The following TUSC3 variants were observed in gnomAD, a reference collection of about 807,000 sequenced individuals.
TUSC3 encodes dolichyl-diphosphooligosaccharide--protein glycosyltransferase subunit TUSC3.
In TUSC3, 45 loss-of-function variants were observed where a neutral mutation model predicts 44.8. The observed-to-expected ratio is 1.00, with a 90% confidence interval of 0.79 to 1.29. The LOEUF (loss-of-function observed/expected upper bound fraction) is 1.29. Among genes scored for constraint, TUSC3 ranks in the 50% most tolerant of loss-of-function variants. The pLI is 0.00. For missense variants in TUSC3, 519 were observed against 437.9 expected (o/e 1.19, Z -1.65); for synonymous variants, 212 against 152.9 (o/e 1.39, Z -2.85).
At chr8:15,846,580 C>G in the TUSC3 span, among the ~76,000 whole-genome samples, 1 of 152,028 alleles carries the variant, frequency 6.6e-6, no homozygotes, top group Non-Finnish European at 1.5e-5. Flanking sequence ...AGCTGGAAAC[C>G]ATCATTTTCA....
chr8:15,843,604 A>AG, the TUSC3 span, among the ~76,000 whole-genome samples: 811 of 146,628 alleles, frequency 5.5e-3, 21 homozygotes, highest in African/African-American at 0.019. Flanking sequence ...ATATATATAT[A>AG]TATATATATA....
intron 1 of TUSC3, among the ~76,000 whole-genome samples, chr8:15,573,196 CTCTCTCTATATA>C (rs1479474441): frequency 1.3e-3 from 137 of 104,230 alleles, no homozygotes; most frequent in Non-Finnish European, 1.9e-3. Context: ...CTCTCTCTCT[CTCTCTCTATATA>C]TATATATATA....
At chr8:15,442,936 A>C (rs994733069) in intron 1 of TUSC3, among the ~76,000 whole-genome samples, 2 of 151,974 alleles carry the variant, frequency 1.3e-5, no homozygotes, top group South Asian at 2.1e-4. Flanking sequence ...CTAACTCCTC[A>C]ATCTGCCTTT....
chr8:15,805,190 A>C, the TUSC3 span, among the ~76,000 whole-genome samples: 1 of 152,092 alleles, frequency 6.6e-6, no homozygotes, highest in East Asian at 1.9e-4. Context: ...TTGTATCTGA[A>C]ACTTTACTGA....
the TUSC3 span, among the ~76,000 whole-genome samples, chr8:15,851,924 C>A: frequency 6.6e-6 from 1 of 152,098 alleles, no homozygotes; most frequent in Admixed American, 6.6e-5. Context: ...GTGGGTAAGT[C>A]TCCTGAGACC....
intron 1 of TUSC3, among the ~76,000 whole-genome samples, chr8:15,571,915 A>T (rs1026996791): frequency 6.6e-6 from 1 of 152,076 alleles, no homozygotes; most frequent in Non-Finnish European, 1.5e-5. Context: ...ATATTCAGTA[A>T]ACTGTGCTTT....
intron 1 of TUSC3, among the ~76,000 whole-genome samples, chr8:15,472,829 C>G (rs998126399): frequency 1.3e-5 from 2 of 152,180 alleles, no homozygotes; most frequent in Non-Finnish European, 2.9e-5. Flanking sequence ...ATGGCAAATG[C>G]TTTGTGGACA....
chr8:15,730,458 TAG>T (rs2129208073), intron 6 of TUSC3, among the ~76,000 whole-genome samples: 1 of 152,288 alleles, frequency 6.6e-6, no homozygotes, highest in South Asian at 2.1e-4. Context: ...AGTTGCCACC[TAG>T]AGTTTACAAT....
rs370828450 is a variant in TUSC3, at chr8:15,550,864, G to T, written c.138+10296G>T. ...TTTTTGTATTTTTAGTAGAGACGGG[G>T]TTTCATCATGTTCGCCATGCTGGCC... is the stretch of plus-strand genomic sequence containing the variant. On this transcript the variant is annotated intron_variant, in intron 1 of 10. Coordinates refer to ENST00000503731, the MANE Select transcript of TUSC3 (RefSeq NM_006765.4). Among the ~76,000 whole-genome samples, 143 of 151,662 alleles carry T rather than the reference G, an allele frequency of 9.4e-4. 1 individual carries two copies. The highest frequency in any genetic ancestry group is 2.4e-3 in the African/African-American group (99 of 41,470).
chr8:15,697,194 TG>T (rs1809206604), intron 6 of TUSC3, among the ~76,000 whole-genome samples: 1 of 152,228 alleles, frequency 6.6e-6, no homozygotes, highest in South Asian at 2.1e-4. Flanking sequence ...ATCTTGCTAA[TG>T]GTCTATCAGT....
At chr8:15,588,396 A>C (rs992767042) in intron 1 of TUSC3, among the ~76,000 whole-genome samples, 1 of 151,826 alleles carries the variant, frequency 6.6e-6, no homozygotes, top group Non-Finnish European at 1.5e-5. Context: ...TGCTCATTTT[A>C]GTACTAGATT....
chr8:15,553,041 A>G (rs1172289256), intron 1 of TUSC3, among the ~76,000 whole-genome samples: 3 of 151,712 alleles, frequency 2.0e-5, no homozygotes, highest in Non-Finnish European at 4.4e-5. Flanking sequence ...TGATGACTAC[A>G]TTTCTTGATA....
In TUSC3 at chr8:15,518,699, G is replaced by T. The variant is rs567845858; in HGVS notation, n.189+35216G>T. Among the ~76,000 whole-genome samples the T allele has an allele frequency of 3.3e-5, 5 of 152,184 alleles. No homozygotes were observed. The South Asian group carries it at 1.0e-3, about 32-fold the overall frequency. On this transcript the variant is annotated intron_variant and non_coding_transcript_variant, in intron 2 of 5. Coordinates refer to the TUSC3 transcript ENST00000503191. ...TCTGAACTTTGATGAAAAATATAGG[G>T]TTAAAGCAGCTTACTGTCATTAATG... is the stretch of plus-strand genomic sequence containing the variant.
At chr8:15,575,567 G>C (rs1803067470) in intron 1 of TUSC3, among the ~76,000 whole-genome samples, 1 of 152,108 alleles carries the variant, frequency 6.6e-6, no homozygotes, top group African/African-American at 2.4e-5. Flanking sequence ...AGGAGTTTGA[G>C]ATCAGCCTGG....
chr8:15,672,984 A>C (rs1447794102), intron 5 of TUSC3, among the ~76,000 whole-genome samples: 1 of 152,080 alleles, frequency 6.6e-6, no homozygotes, highest in Non-Finnish European at 1.5e-5. Context: ...CCTAGAGAAC[A>C]CATTTAGTCT....
chr8:15,505,779 AC>A (rs1400096101), intron 2 of TUSC3, among the ~76,000 whole-genome samples: 1 of 152,120 alleles, frequency 6.6e-6, no homozygotes, highest in Non-Finnish European at 1.5e-5. Context: ...TTAGTTTTAA[AC>A]CCTACAGAGT....
chr8:15,417,434 C>T (rs1221122180), intron 1 of TUSC3: 1 of 152,204 alleles, frequency 6.6e-6, no homozygotes, highest in East Asian at 1.9e-4. Flanking sequence ...CAGTGAGTAG[C>T]TCAGTCTGAT....
intron 1 of TUSC3, among the ~76,000 whole-genome samples, chr8:15,438,181 G>A (rs553299773): frequency 4.5e-4 from 69 of 152,162 alleles, no homozygotes; most frequent in African/African-American, 1.5e-3. Context: ...TGCAATCTCC[G>A]TCTCCTGGGT....
chr8:15,693,486 T>G (rs1809013708), intron 6 of TUSC3, among the ~76,000 whole-genome samples: 1 of 147,996 alleles, frequency 6.8e-6, no homozygotes, highest in Non-Finnish European at 1.5e-5. Context: ...GAATATAGGT[T>G]GAATCTCTCC....
Sources: gnomAD v4.1 joint callset for allele counts (sites outside exome capture counted in the v4.1 genomes callset) on GRCh38, gnomAD v4.1.1 for gene constraint, MANE v1.5 for transcripts, NCBI Gene and HGNC (gene_info 2026-07-23, HGNC 2026-07-21) for gene names.